CSF1: variants seen among roughly 807,000 people sequenced by gnomAD.
The protein encoded by CSF1 is macrophage colony-stimulating factor 1.
A neutral mutation model predicts 48.9 loss-of-function variants in CSF1; 9 were observed. The observed-to-expected ratio is 0.18, with a 90% CI of 0.11 to 0.32. The LOEUF (loss-of-function observed/expected upper bound fraction) is 0.32, where lower values mean the gene tolerates loss of function less well. Ranked by LOEUF, CSF1 falls within the 10% of genes least tolerant of loss-of-function variation. CSF1 has a pLI of 1.00. For missense variants in CSF1, 672 were observed against 697.9 expected, an observed-to-expected ratio of 0.96 and a Z score of 0.42; for synonymous variants, 305 against 284.1, an observed-to-expected ratio of 1.07 and a Z score of -0.74.
At chr1:109,912,180 A>AG (rs1226276821) in intron 1 of CSF1, among the ~76,000 whole-genome samples, 1 of 152,034 alleles carries the variant, frequency 6.6e-6, no homozygotes, top group Non-Finnish European at 1.5e-5. Context: ...TCGGGGCTGA[A>AG]GGGGAGACCA....
chr1:109,923,075 C>T, intron 5 of CSF1, 91 bp from the exon 6 acceptor site: 4 of 1,320,152 alleles, frequency 3.0e-6, no homozygotes, highest in Non-Finnish European at 4.1e-6. Flanking sequence ...TCACATTCCC[C>T]TCTTGCCCCG....
Position 109,930,172 on chromosome 1 carries a change from TC to T in CSF1, c.*1337del, listed in dbSNP as rs1186247801. The T allele has an allele frequency of 6.6e-6, 1 of 152,246 alleles. No homozygotes were observed. The highest frequency in any genetic ancestry group is 2.4e-5 in the African/African-American group (1 of 41,412). 9.4% of individuals were successfully genotyped at this position (152,246 alleles called of 1,614,324 possible). On this transcript the variant is annotated 3_prime_UTR_variant, in exon 9 of 9. Coordinates refer to ENST00000329608, the MANE Select transcript of CSF1 (RefSeq NM_000757.6). ...CAGCCCCACCTGCATGGTATCCAGC[TC>T]CCATCCACTTCTCACCCTTCTTTCC...
rs777803639 is a variant in CSF1 at position 109,923,478 on chromosome 1, C to A, written c.857C>A (p.Ala286Asp). ...CCACAGCCTCGCCCCTCTGTCGGGG[C>A]CTTCAACCCCGGGATGGAGGATATT... ...GSPQPRPSVG[A>D]FNPGMEDILD... The change falls in exon 6 of 9, where the codon GCC (alanine) becomes GAC (aspartate). Residue 286 changes from alanine (A) to aspartate (D), a missense_variant. Ala to Asp is a moderately radical substitution (Grantham distance 126). Around this residue, in one of 3 missense-constraint regions of CSF1, gnomAD observed 591 missense variants for 593.6 expected, o/e 1.00. Coordinates refer to ENST00000329608, the MANE Select transcript of CSF1 (RefSeq NM_000757.6). 42 of 1,614,044 alleles carry A rather than the reference C, an allele frequency of 2.6e-5. 1 individual carries two copies. The Admixed American group carries it at 6.8e-4, about 26-fold the overall frequency.
intron 8 of CSF1, chr1:109,926,853 T>TC (rs1647863847): frequency 6.6e-6 from 1 of 152,262 alleles, no homozygotes; most frequent in Non-Finnish European, 1.5e-5. Context: ...TCCACTTTTT[T>TC]TTGTGTTTCT....
intron 1 of CSF1, among the ~76,000 whole-genome samples, chr1:109,912,540 T>C (rs1654731771): frequency 6.6e-6 from 1 of 152,160 alleles, no homozygotes; most frequent in South Asian, 2.1e-4. Flanking sequence ...GGTATCCCCT[T>C]TGGCCAGCTT....
At chr1:109,924,474 G>C (rs995467076) in intron 6 of CSF1, among the ~76,000 whole-genome samples, 11 of 152,148 alleles carry the variant, frequency 7.2e-5, no homozygotes, top group Non-Finnish European at 1.6e-4. Flanking sequence ...CAGGGAGCTG[G>C]AGGAGGAGAG....
Position 109,927,606 on chromosome 1 carries a change from T to C in CSF1, c.*14-1246T>C, listed in dbSNP as rs572914611. On this transcript the variant is annotated intron_variant, in intron 8 of 8. Transcript: ENST00000329608. Reference sequence around the variant, plus strand: ...CTCAGGCCCGTCCCAAGCTTTCCTCTTCCCCCTCAAGATTTCACTTGGAGA... The same window carrying C: ...CTCAGGCCCGTCCCAAGCTTTCCTCCTCCCCCTCAAGATTTCACTTGGAGA... Among the ~76,000 whole-genome samples, 26 of 151,674 alleles carry C rather than the reference T, an allele frequency of 1.7e-4. 1 individual carries two copies. The East Asian group carries it at 4.7e-3, about 27-fold the overall frequency.
intron 5 of CSF1, 70 bp from the exon 6 acceptor site, chr1:109,923,096 G>T: frequency 7.0e-7 from 1 of 1,426,766 alleles, no homozygotes; most frequent in Non-Finnish European, 9.4e-7. Context: ...CTCTGGGAAA[G>T]CTGTGCTGGA....
chr1:109,921,254 G>C (rs369562556), intron 4 of CSF1, among the ~76,000 whole-genome samples: 1 of 152,132 alleles, frequency 6.6e-6, no homozygotes, highest in Non-Finnish European at 1.5e-5. Context: ...CTCCATGTGC[G>C]TCTCTTGCCA....
At position 109,923,465 on chromosome 1, in the gene CSF1, C is replaced by A. The variant is rs147144390; in HGVS notation, c.844C>A (p.Pro282Thr). The A allele has an allele frequency of 7.2e-5, 117 of 1,614,044 alleles. No individual in the cohort carries two copies. The highest frequency in any genetic ancestry group is 7.0e-5 in the Non-Finnish European group (83 of 1,180,016). ...CATCGGTGGCTCACCACAGCCTCGC[C>A]CCTCTGTCGGGGCCTTCAACCCCGG... ...STIGGSPQPR[P>T]SVGAFNPGME... The change falls in exon 6 of 9, where the codon CCC becomes ACC. Residue 282 changes from proline (P) to threonine (T), a missense_variant. By Grantham distance (38) the Pro-to-Thr change is conservative (BLOSUM62 -1). Transcript: ENST00000329608.
In CSF1 at chr1:109,923,497, G is replaced by A. The variant is rs12721513; in HGVS notation, c.876G>A (p.Glu292=). The change falls in exon 6 of 9, where the codon GAG becomes GAA. Residue 292 remains glutamate, a synonymous_variant. Coordinates refer to ENST00000329608, the MANE Select transcript of CSF1 (RefSeq NM_000757.6). The part of the protein sequence containing the change: ...PSVGAFNPGM[E]DILDSAMGTN... Reference sequence around the variant, plus strand: ...TCGGGGCCTTCAACCCCGGGATGGAGGATATTCTTGACTCTGCAATGGGCA... The same window carrying A: ...TCGGGGCCTTCAACCCCGGGATGGAAGATATTCTTGACTCTGCAATGGGCA... 9,117 of 1,614,120 alleles carry A rather than the reference G, an allele frequency of 5.6e-3. 385 individuals are homozygous for A. In the African/African-American group the frequency reaches 0.096, roughly 17 times the overall value.
chr1:109,922,537 A>G (rs3754445), intron 5 of CSF1: 1,713 of 154,360 alleles, frequency 0.011, 32 homozygotes, highest in African/African-American at 0.039. Flanking sequence ...GCTCAGCTGC[A>G]TACATGTGTA....
rs1024894567 is a variant in CSF1 at position 109,929,640 on chromosome 1, G to A, written c.*802G>A. ...GGCTCCCCTCATGAAGGAAGCCATT[G>A]CACTGTGAACACTGTACCTGCCTGC... On this transcript the variant is annotated 3_prime_UTR_variant, in exon 9 of 9. Transcript: ENST00000329608. 6.5e-6 allele frequency: 1 copy of A among 153,294 alleles called. No individual in the cohort carries two copies. The highest frequency in any genetic ancestry group is 1.5e-5 in the Non-Finnish European group (1 of 68,640). 9.5% of individuals were successfully genotyped at this position (153,294 alleles called of 1,614,324 possible).
rs576172550 is a variant in CSF1, at chr1:109,923,056, C to A, written c.545-110C>A. The A allele has an allele frequency of 5.6e-6, 6 of 1,071,562 alleles. No individual in the cohort carries two copies. The South Asian group carries it at 1.1e-4, about 19-fold the overall frequency. The allele number at this position is 1,071,562 out of a possible 1,614,324, so 66.4% of individuals were successfully genotyped here. On this transcript the variant is annotated intron_variant, in intron 5 of 8. Coordinates refer to ENST00000329608, the MANE Select transcript of CSF1 (RefSeq NM_000757.6). ...CAGGGCTGAGCTAGGAGATGAGGGC[C>A]CCCCAGACTCACATTCCCCTCTTGC...
At chr1:109,924,226 C>A in intron 6 of CSF1, 36 bp downstream of exon 6, 2 of 1,552,762 alleles carry the variant, frequency 1.3e-6, no homozygotes, top group South Asian at 1.2e-5. Context: ...GAGCACGTCC[C>A]TTAGGGCAGG....
rs1648006323 is a variant in CSF1, at chr1:109,930,069, T to C, written c.*1231T>C. The C allele has an allele frequency of 6.6e-6, 1 of 152,306 alleles. No individual in the cohort carries two copies. Among genetic ancestry groups the C allele is most frequent in the African/African-American group, 2.4e-5 (1 of 41,438 alleles). The allele number at this position is 152,306 out of a possible 1,614,324, so 9.4% of individuals were successfully genotyped here. The stretch of plus-strand genomic sequence containing the variant: ...TCTGCACTCCCAAACCCCAGCGCAG[T>C]GTCCTTTCCCTGCTGCCGACAGGAA... On this transcript the variant is annotated 3_prime_UTR_variant, in exon 9 of 9. Coordinates refer to ENST00000329608, the MANE Select transcript of CSF1 (RefSeq NM_000757.6).
At chr1:109,914,162 T>A in intron 1 of CSF1, 97 bp from the exon 2 acceptor site, 1 of 1,328,932 alleles carries the variant, frequency 7.5e-7, no homozygotes, top group South Asian at 1.8e-5. Flanking sequence ...CCTGTAGCAT[T>A]GTAGATATGA....
At position 109,921,894 on chromosome 1, in the gene CSF1, G is replaced by A. The variant is rs1316355260; in HGVS notation, c.444G>A (p.Lys148=). 6.2e-7 allele frequency: 1 copy of A among 1,611,068 alleles called. No individual in the cohort carries two copies. Among genetic ancestry groups the A allele is most frequent in the East Asian group, 2.2e-5 (1 of 44,726 alleles). ...AGACACCTCTCCAGTTGCTGGAGAA[G>A]GTCAAGAATGTCTTTAATGAAACAA... ...FYETPLQLLE[K]VKNVFNETKN... The change falls in exon 5 of 9, where the codon AAG becomes AAA. Residue 148 remains lysine (K), a synonymous_variant. Coordinates refer to ENST00000329608, the MANE Select transcript of CSF1 (RefSeq NM_000757.6).
rs1442768972 is a variant in CSF1 at position 109,914,530 on chromosome 1, T to C, written c.162+149T>C. On this transcript the variant is annotated intron_variant, in intron 2 of 8. Coordinates refer to ENST00000329608, the MANE Select transcript of CSF1 (RefSeq NM_000757.6). ...TGGTTCCCACTAGCTCCACCAGTGA[T>C]ACCCTTCACTAACCTTCCCAAAGTT... is the stretch of plus-strand genomic sequence containing the variant. The C allele has an allele frequency of 4.4e-6, 4 of 918,044 alleles. No homozygotes were observed. In the East Asian group the frequency reaches 1.3e-4, roughly 29 times the overall value. The allele number at this position is 918,044 out of a possible 1,614,324, so 56.9% of individuals were successfully genotyped here. A position where few individuals can be genotyped will look rare whatever the true frequency, so the allele number is the denominator to read the frequency against.
Sources: allele counts gnomAD v4.1 joint callset (sites outside exome capture counted in the v4.1 genomes callset), GRCh38; gene constraint gnomAD v4.1.1; regional missense constraint gnomAD v4.1.1; transcripts MANE v1.5; gene names NCBI Gene and HGNC (gene_info 2026-07-23, HGNC 2026-07-21).